The following RIN2 variants were observed in gnomAD, a reference collection of about 807,000 sequenced individuals.
The protein encoded by RIN2 is RAB5 interacting protein 2.
RIN2 carries 36 observed loss-of-function variants against 78.0 expected under a neutral mutation model. The observed-to-expected ratio is 0.46, with a 90% CI of 0.35 to 0.61. The LOEUF is 0.61. Among genes scored for constraint, RIN2 ranks in the 20% least tolerant of loss-of-function variants. The pLI is 0.00. For missense variants in RIN2, 1,087 were observed against 1,159.7 expected (o/e 0.94, Z 0.91); for synonymous variants, 466 against 466.8 (o/e 1.00, Z 0.02).
intron 3 of RIN2, among the ~76,000 whole-genome samples, chr20:19,901,845 C>A (rs1368120877): frequency 6.6e-6 from 1 of 151,892 alleles, no homozygotes; most frequent in Non-Finnish European, 1.5e-5. Flanking sequence ...GGTGAAACCC[C>A]GTCTCTACTA....
At chr20:19,924,471 T>C (rs533307046) in intron 3 of RIN2, among the ~76,000 whole-genome samples, 5 of 109,202 alleles carry the variant, frequency 4.6e-5, no homozygotes, top group Non-Finnish European at 6.5e-5. Context: ...CTCACCTTCA[T>C]ACCCCCACCT....
intron 2 of RIN2, among the ~76,000 whole-genome samples, chr20:19,873,187 C>T (rs1600670590): frequency 6.6e-6 from 1 of 151,664 alleles, no homozygotes; most frequent in Non-Finnish European, 1.5e-5. Flanking sequence ...TGCAGTGGTG[C>T]AATCTCGGCT....
intron 2 of RIN2, among the ~76,000 whole-genome samples, chr20:19,860,511 C>G: frequency 6.6e-6 from 1 of 151,918 alleles, no homozygotes; most frequent in African/African-American, 2.4e-5. Flanking sequence ...TTAGTAGAGA[C>G]GGGGTTTCAC....
intron 1 of RIN2, among the ~76,000 whole-genome samples, chr20:19,776,517 A>C (rs1196405205): frequency 6.6e-6 from 1 of 152,120 alleles, no homozygotes; most frequent in Non-Finnish European, 1.5e-5. Context: ...GGTTCACCTG[A>C]GGTCAGGAGT....
At chr20:19,901,648 A>C (rs891676566) in intron 3 of RIN2, among the ~76,000 whole-genome samples, 4 of 152,224 alleles carry the variant, frequency 2.6e-5, no homozygotes, top group African/African-American at 9.6e-5. Flanking sequence ...AGGTAAAATC[A>C]ACTATTTTGG....
chr20:19,823,962 C>G, intron 2 of RIN2: 1 of 1,402,482 alleles, frequency 7.1e-7, no homozygotes, highest in Non-Finnish European at 9.9e-7. Flanking sequence ...CAGCTGGTGT[C>G]GGATGAACCC....
At chr20:19,816,372 T>C (rs1407676908) in intron 2 of RIN2, among the ~76,000 whole-genome samples, 1 of 151,946 alleles carries the variant, frequency 6.6e-6, no homozygotes, top group Non-Finnish European at 1.5e-5. Flanking sequence ...TGAAGGGGCT[T>C]TGGCGGCTAT....
chr20:19,916,808 G>T (rs757113038), intron 3 of RIN2, among the ~76,000 whole-genome samples: 1 of 152,140 alleles, frequency 6.6e-6, no homozygotes, highest in Non-Finnish European at 1.5e-5. Context: ...TGTTGTTCGA[G>T]CAGTAGTGTT....
chr20:19,970,182 T>C (rs1291382296), intron 7 of RIN2, among the ~76,000 whole-genome samples: 1 of 152,234 alleles, frequency 6.6e-6, no homozygotes, highest in Non-Finnish European at 1.5e-5. Flanking sequence ...CAGCATCCTC[T>C]AAGAGCTTGG....
intron 2 of RIN2, among the ~76,000 whole-genome samples, chr20:19,812,771 C>A (rs2122820780): frequency 6.6e-6 from 1 of 152,310 alleles, no homozygotes; most frequent in Middle Eastern, 3.4e-3. Context: ...GACTTTCAAT[C>A]TTTTGTTAAA....
In RIN2 at chr20:19,935,173, T is replaced by C. The variant is rs1201042753; in HGVS notation, c.132T>C (p.Asn44=). ...EMVRTDVNLE[N]GLEPAETHSM... Reference sequence around the variant, plus strand: ...TGCGGACAGATGTCAACCTGGAAAATGGCCTGGAACCCGCTGAAACCCACA... The same window carrying C: ...TGCGGACAGATGTCAACCTGGAAAACGGCCTGGAACCCGCTGAAACCCACA... Residue 44 remains asparagine (N), a synonymous_variant, in exon 4 of 13, where the codon AAT becomes AAC. Transcript: ENST00000255006. The C allele has an allele frequency of 6.2e-7, 1 of 1,602,798 alleles. No individual in the cohort carries two copies. The highest frequency in any genetic ancestry group is 8.5e-7 in the Non-Finnish European group (1 of 1,174,672).
At chr20:19,800,842 C>T (rs764573881) in intron 2 of RIN2, among the ~76,000 whole-genome samples, 15 of 152,216 alleles carry the variant, frequency 9.9e-5, no homozygotes, top group Non-Finnish European at 1.9e-4. Flanking sequence ...TGCTTGTTTA[C>T]AAGTAAGAAA....
chr20:19,991,212 T>C (rs1054462984), intron 10 of RIN2, among the ~76,000 whole-genome samples: 4 of 152,156 alleles, frequency 2.6e-5, no homozygotes, highest in Admixed American at 6.6e-5. Flanking sequence ...AAATATGAGC[T>C]CCTGGGCGTG....
intron 1 of RIN2, among the ~76,000 whole-genome samples, chr20:19,781,802 A>T (rs1243424322): frequency 6.6e-6 from 1 of 151,402 alleles, no homozygotes; most frequent in Non-Finnish European, 1.5e-5. Flanking sequence ...TTTTTTCAAG[A>T]AAAGTATTTC....
At chr20:19,887,185 T>G (rs1184361978) in intron 2 of RIN2, among the ~76,000 whole-genome samples, 2 of 122,058 alleles carry the variant, frequency 1.6e-5, no homozygotes, top group Admixed American at 2.0e-4. Context: ...CCCATCTATT[T>G]TTTTTTTTTT....
At chr20:19,801,147 C>T (rs549107809) in intron 2 of RIN2, among the ~76,000 whole-genome samples, 31 of 152,276 alleles carry the variant, frequency 2.0e-4, no homozygotes, top group African/African-American at 7.2e-4. Context: ...TGGGTGCCTC[C>T]CTTTCTGACT....
At chr20:19,838,270 G>T (rs1181862921) in intron 2 of RIN2, among the ~76,000 whole-genome samples, 2 of 152,008 alleles carry the variant, frequency 1.3e-5, no homozygotes, top group Non-Finnish European at 2.9e-5. Flanking sequence ...TTGAGGAAGA[G>T]AGATATGGCC....
intron 4 of RIN2, among the ~76,000 whole-genome samples, chr20:19,944,640 G>A (rs192944808): frequency 8.5e-5 from 13 of 152,224 alleles, no homozygotes; most frequent in African/African-American, 2.6e-4. Context: ...AGCTCCTGGA[G>A]AAGCATGATA....
Position 19,869,205 on chromosome 20 carries a change from C to A in RIN2, c.-36-20361C>A, listed in dbSNP as rs77100930. Among the ~76,000 whole-genome samples, 482 of 151,738 alleles carry A rather than the reference C, an allele frequency of 3.2e-3. 4 individuals carry two copies. The highest frequency in any genetic ancestry group is 0.011 in the African/African-American group (460 of 41,324). The stretch of plus-strand genomic sequence containing the variant: ...GCGCTGGAGAGAGGGATTAGAAATG[C>A]AAATAAAGGTTTGAATGAAATTGAT... On this transcript the variant is annotated intron_variant, in intron 2 of 12. Transcript: ENST00000255006.
Sources: allele counts gnomAD v4.1 joint callset (sites outside exome capture counted in the v4.1 genomes callset), GRCh38; gene constraint gnomAD v4.1.1; transcripts MANE v1.5; gene names NCBI Gene and HGNC (gene_info 2026-07-23, HGNC 2026-07-21).